Variants in LRRC7 observed in about 807,000 individuals in gnomAD.
LRRC7 encodes leucine rich repeat containing 7.
In LRRC7, 23 loss-of-function variants were observed where a neutral mutation model predicts 175.7. That is an observed-to-expected ratio of 0.13 (90% confidence interval 0.09 to 0.19). The LOEUF (loss-of-function observed/expected upper bound fraction) is 0.19. Ranked by LOEUF, LRRC7 falls within the 10% of genes least tolerant of loss-of-function variation. LRRC7 has a pLI of 1.00. For missense variants in LRRC7, 1,354 were observed against 1,904.7 expected, an observed-to-expected ratio of 0.71 and a Z score of 5.38; for synonymous variants, 685 against 680.9, an observed-to-expected ratio of 1.01 and a Z score of -0.09.
intron 26 of LRRC7, among the ~76,000 whole-genome samples, chr1:70,115,412 A>G (rs970595747): frequency 6.6e-6 from 1 of 151,880 alleles, no homozygotes; most frequent in African/African-American, 2.4e-5. Context: ...CCCTCTCTTC[A>G]TGGCCTTCCC....
At chr1:69,610,677 G>A (rs901977993) in intron 1 of LRRC7, among the ~76,000 whole-genome samples, 9 of 151,414 alleles carry the variant, frequency 5.9e-5, no homozygotes, top group Non-Finnish European at 1.3e-4. Context: ...TTTTACATAG[G>A]ACATTTTTAA....
At chr1:69,936,289 T>C (rs538828985) in intron 8 of LRRC7, among the ~76,000 whole-genome samples, 1 of 152,316 alleles carries the variant, frequency 6.6e-6, no homozygotes, top group Non-Finnish European at 1.5e-5. Context: ...ATGTTAGGAC[T>C]TGATTACAAC....
intron 1 of LRRC7, among the ~76,000 whole-genome samples, chr1:69,584,060 A>G (rs1569695206): frequency 1.3e-5 from 2 of 152,076 alleles, no homozygotes; most frequent in Non-Finnish European, 2.9e-5. Flanking sequence ...GCTCATTAGG[A>G]TGGCTGGTTT....
Position 69,758,303 on chromosome 1 carries a change from G to A in LRRC7, c.101-1888G>A, listed in dbSNP as rs984494557. ...AGACAGAAAGTAATGGAGAAGAAAG[G>A]TCAACTTTTTAAATGTTTTTATTCA... On this transcript the variant is annotated intron_variant, in intron 2 of 26. Coordinates refer to ENST00000651989, the MANE Select transcript of LRRC7 (RefSeq NM_001370785.2). Among the ~76,000 whole-genome samples the A allele has an allele frequency of 4.6e-5, 7 of 151,986 alleles. No homozygotes were observed. In the East Asian group the frequency reaches 1.4e-3, roughly 29 times the overall value.
chr1:69,847,298 C>T (rs1012204823), intron 7 of LRRC7, among the ~76,000 whole-genome samples: 4 of 152,030 alleles, frequency 2.6e-5, no homozygotes, highest in African/African-American at 9.7e-5. Context: ...TATACTAATA[C>T]TGACTTTTGT....
At chr1:69,871,132 G>A (rs1685489155) in intron 7 of LRRC7, among the ~76,000 whole-genome samples, 1 of 152,038 alleles carries the variant, frequency 6.6e-6, no homozygotes, top group African/African-American at 2.4e-5. Context: ...ATAAAATGTT[G>A]CTTGCCATTA....
intron 2 of LRRC7, among the ~76,000 whole-genome samples, chr1:69,719,685 A>G (rs1343309976): frequency 2.6e-5 from 4 of 151,634 alleles, no homozygotes; most frequent in Non-Finnish European, 4.4e-5. Flanking sequence ...TGTCTACAGT[A>G]AAAAATGGCT....
intron 7 of LRRC7, among the ~76,000 whole-genome samples, chr1:69,882,614 T>C (rs571768575): frequency 1.3e-5 from 2 of 152,090 alleles, no homozygotes; most frequent in East Asian, 3.9e-4. Context: ...ATTTTTCTTT[T>C]TTTTTTTTTT....
intron 7 of LRRC7, among the ~76,000 whole-genome samples, chr1:69,859,155 ACTT>A (rs1479871359): frequency 1.3e-5 from 2 of 152,136 alleles, no homozygotes; most frequent in African/African-American, 4.8e-5. Context: ...ACCCAAATTG[ACTT>A]CTTCATATAC....
rs186125397 is a variant in LRRC7, at chr1:69,892,929, T to C, written c.648-38578T>C. ...TCTGTTTAAGAAATCAAATTACTTA[T>C]GCTAGTGTTGCTTATTTGATTTACC... On this transcript the variant is annotated intron_variant, in intron 7 of 26. Coordinates refer to ENST00000651989, the MANE Select transcript of LRRC7 (RefSeq NM_001370785.2). 3.9e-3 allele frequency among the ~76,000 whole-genome samples: 592 copies of C among 152,358 alleles called. 4 individuals are homozygous for C. Among genetic ancestry groups the C allele is most frequent in the Non-Finnish European group, 7.0e-3 (474 of 68,030 alleles).
intron 7 of LRRC7, among the ~76,000 whole-genome samples, chr1:69,887,631 C>G (rs1254740487): frequency 6.6e-6 from 1 of 152,222 alleles, no homozygotes; most frequent in Non-Finnish European, 1.5e-5. Context: ...CAAAGTCATT[C>G]TCTGTCCAGC....
intron 23 of LRRC7, among the ~76,000 whole-genome samples, chr1:70,074,928 C>T (rs963322874): frequency 2.6e-5 from 4 of 152,170 alleles, no homozygotes; most frequent in African/African-American, 9.6e-5. Flanking sequence ...TTTTATTACT[C>T]CAACCTAACG....
At chr1:70,020,709 C>T (rs1657396706) in intron 15 of LRRC7, 1 of 169,394 alleles carries the variant, frequency 5.9e-6, no homozygotes, top group African/African-American at 2.4e-5. Context: ...CTTGGTCTAA[C>T]TCTCTATATT....
intron 2 of LRRC7, among the ~76,000 whole-genome samples, chr1:69,745,794 A>G (rs1570601672): frequency 6.6e-6 from 1 of 152,030 alleles, no homozygotes; most frequent in East Asian, 1.9e-4. Context: ...ATAATCTACT[A>G]CATTAATAGT....
chr1:69,652,291 A>C (rs1449093563), intron 1 of LRRC7, among the ~76,000 whole-genome samples: 2 of 152,212 alleles, frequency 1.3e-5, no homozygotes, highest in African/African-American at 4.8e-5. Flanking sequence ...AGTTCAGCAA[A>C]GTTGCAGGAT....
At chr1:70,063,541 A>G (rs975477021) in intron 23 of LRRC7, among the ~76,000 whole-genome samples, 5 of 152,164 alleles carry the variant, frequency 3.3e-5, no homozygotes, top group South Asian at 4.1e-4. Flanking sequence ...GAAGTTCTAC[A>G]TAACATGACA....
chr1:69,899,409 T>G (rs1237567124), intron 7 of LRRC7, among the ~76,000 whole-genome samples: 2 of 152,198 alleles, frequency 1.3e-5, no homozygotes, highest in East Asian at 3.9e-4. Flanking sequence ...AGTAGAGAAT[T>G]GCCAAAATGC....
At chr1:69,826,529 G>A (rs928704737) in intron 5 of LRRC7, among the ~76,000 whole-genome samples, 2 of 152,148 alleles carry the variant, frequency 1.3e-5, no homozygotes, top group Admixed American at 1.3e-4. Flanking sequence ...TCATGAACCT[G>A]AATGTTAAAG....
chr1:69,641,051 A>T (rs1485570724), intron 1 of LRRC7, among the ~76,000 whole-genome samples: 1 of 151,700 alleles, frequency 6.6e-6, no homozygotes, highest in African/African-American at 2.4e-5. Flanking sequence ...CTGGATAGAG[A>T]ACTTGGACAT....
Sources: gnomAD v4.1 joint callset for allele counts (sites outside exome capture counted in the v4.1 genomes callset) on GRCh38, gnomAD v4.1.1 for gene constraint, MANE v1.5 for transcripts, NCBI Gene and HGNC (gene_info 2026-07-23, HGNC 2026-07-21) for gene names.